Variants in PTPRG observed in about 807,000 individuals in gnomAD.
The protein encoded by PTPRG is receptor-type tyrosine-protein phosphatase gamma.
Under a neutral mutation model 165.3 loss-of-function variants are expected in PTPRG, and 102 were observed. The observed-to-expected ratio is 0.62, with a 90% CI of 0.53 to 0.73. The LOEUF is 0.73. Among genes scored for constraint, PTPRG ranks in the 30% least tolerant of loss-of-function variants. The pLI is 0.00. For synonymous variants in PTPRG, 675 were observed against 669.5 expected (o/e 1.01, Z -0.13); for missense variants, 1,866 against 1,861.4 (o/e 1.00, Z -0.05).
intron 3 of PTPRG, among the ~76,000 whole-genome samples, chr3:61,994,996 C>A (rs1281281346): frequency 6.6e-6 from 1 of 151,944 alleles, no homozygotes; most frequent in African/African-American, 2.4e-5. Flanking sequence ...GATGTGTGAG[C>A]CTTACTGAGA....
intron 2 of PTPRG, among the ~76,000 whole-genome samples, chr3:61,880,734 T>C (rs893236328): frequency 1.3e-5 from 2 of 152,110 alleles, no homozygotes; most frequent in Non-Finnish European, 2.9e-5. Context: ...ATGAAATGTT[T>C]AGCCAGAAAT....
At chr3:62,287,489 G>C (rs1432526971) in intron 28 of PTPRG, among the ~76,000 whole-genome samples, 1 of 152,090 alleles carries the variant, frequency 6.6e-6, no homozygotes, top group Middle Eastern at 3.4e-3. Context: ...CTAAGAATGA[G>C]AAAATACATT....
chr3:62,073,761 G>T (rs1701286505), intron 4 of PTPRG, among the ~76,000 whole-genome samples: 1 of 152,210 alleles, frequency 6.6e-6, no homozygotes, highest in African/African-American at 2.4e-5. Flanking sequence ...GATTACAGGT[G>T]TAAGCCACCA....
chr3:62,124,156 TTTG>T (rs1172894533), intron 5 of PTPRG: 16 of 671,020 alleles, frequency 2.4e-5, no homozygotes, highest in South Asian at 2.4e-4. Flanking sequence ...GTTCTGTGAA[TTTG>T]TTGTTGTCGT....
intron 1 of PTPRG, among the ~76,000 whole-genome samples, chr3:61,593,530 G>A (rs1232639080): frequency 2.0e-5 from 3 of 152,080 alleles, no homozygotes; most frequent in African/African-American, 7.2e-5. Flanking sequence ...TGTGTATACA[G>A]TTCTCCTTTT....
At chr3:61,752,254 C>T (rs1301366716) in intron 2 of PTPRG, among the ~76,000 whole-genome samples, 1 of 152,078 alleles carries the variant, frequency 6.6e-6, no homozygotes, top group Non-Finnish European at 1.5e-5. Context: ...TCCTCAAGTT[C>T]AGTGGTTGGC....
chr3:61,831,689 C>T lies in PTPRG; in HGVS notation c.190+82707C>T, dbSNP rs142545300. On this transcript the variant is annotated intron_variant, in intron 2 of 29. Coordinates refer to ENST00000474889, the MANE Select transcript of PTPRG (RefSeq NM_002841.4). ...AGGAATGGATGAGTTAGGAAAATGC[C>T]AATGACCATGGAAATAGAGAAAAAG... 3.8e-3 allele frequency among the ~76,000 whole-genome samples: 583 copies of T among 152,236 alleles called. 3 individuals are homozygous for T. The highest frequency in any genetic ancestry group is 5.9e-3 in the Non-Finnish European group (404 of 68,022).
chr3:61,717,615 G>A (rs562356819), intron 1 of PTPRG, among the ~76,000 whole-genome samples: 6 of 151,958 alleles, frequency 3.9e-5, no homozygotes, highest in Admixed American at 6.5e-5. Flanking sequence ...GTGAAGCCCC[G>A]TCTCTACTAA....
rs150942469 is a variant in PTPRG, at chr3:62,003,227, A to T, written c.371-122A>T. The stretch of plus-strand genomic sequence containing the variant: ...GCGGGTGTGTTCAACATATTTTTTC[A>T]TAGGTACATGAGGACATAATTCATA... On this transcript the variant is annotated intron_variant, in intron 3 of 29. Transcript: ENST00000474889. The T allele has an allele frequency of 2.6e-6, 3 of 1,145,738 alleles. No homozygotes were observed. In the South Asian group the frequency reaches 4.8e-5, roughly 18 times the overall value. The allele number at this position is 1,145,738 out of a possible 1,614,324, so 71.0% of individuals were successfully genotyped here.
chr3:61,812,517 T>C (rs987876390), intron 2 of PTPRG, among the ~76,000 whole-genome samples: 3 of 152,216 alleles, frequency 2.0e-5, no homozygotes, highest in African/African-American at 7.2e-5. Flanking sequence ...ATACTGCCTC[T>C]ATTTGTTCCT....
At chr3:62,131,331 C>G (rs1338685210) in intron 5 of PTPRG, among the ~76,000 whole-genome samples, 2 of 152,162 alleles carry the variant, frequency 1.3e-5, no homozygotes, top group African/African-American at 4.8e-5. Context: ...AACCACTGCT[C>G]TCTTCTGGAG....
chr3:61,686,593 A>G (rs1703640391), intron 1 of PTPRG, among the ~76,000 whole-genome samples: 1 of 152,254 alleles, frequency 6.6e-6, no homozygotes, highest in South Asian at 2.1e-4. Context: ...ACTCATGTCA[A>G]GGTTATTCCT....
chr3:62,028,607 T>G (rs1391537067), intron 4 of PTPRG, among the ~76,000 whole-genome samples: 2 of 152,212 alleles, frequency 1.3e-5, no homozygotes, highest in Admixed American at 6.5e-5. Flanking sequence ...CGGGTCACAA[T>G]TTGGAAGAAC....
intron 2 of PTPRG, among the ~76,000 whole-genome samples, chr3:61,932,916 C>G (rs996923012): frequency 6.6e-6 from 1 of 152,152 alleles, no homozygotes; most frequent in African/African-American, 2.4e-5. Flanking sequence ...TAATCTGGAC[C>G]AAGACTGGGG....
chr3:62,282,948 C>A (rs1702509831), intron 28 of PTPRG, 79 bp downstream of exon 28: 2 of 1,392,240 alleles, frequency 1.4e-6, no homozygotes, highest in South Asian at 1.3e-5. Flanking sequence ...GAAAAGGAAG[C>A]CAGAATTTTA....
At chr3:61,727,675 TTCTTTAAACTGGATATAA>T (rs550483460) in intron 1 of PTPRG, among the ~76,000 whole-genome samples, 19 of 152,338 alleles carry the variant, frequency 1.2e-4, no homozygotes, top group South Asian at 2.1e-4. Context: ...CTGTTTTTCT[TTCTTTAAACTGGATATAA>T]ATCTACAGGT....
intron 13 of PTPRG, among the ~76,000 whole-genome samples, chr3:62,226,368 G>A (rs1483489568): frequency 6.6e-6 from 1 of 152,172 alleles, no homozygotes; most frequent in African/African-American, 2.4e-5. Context: ...ATCATCCTTT[G>A]TTTTGGATTT....
chr3:62,120,173 G>A (rs892001786), intron 5 of PTPRG, among the ~76,000 whole-genome samples: 2 of 152,166 alleles, frequency 1.3e-5, no homozygotes, highest in Admixed American at 1.3e-4. Context: ...CTATCAGGCA[G>A]AGAAAGAATT....
At chr3:62,027,067 T>G (rs1575907186) in intron 4 of PTPRG, among the ~76,000 whole-genome samples, 1 of 152,084 alleles carries the variant, frequency 6.6e-6, no homozygotes, top group South Asian at 2.1e-4. Context: ...AGTATAGATA[T>G]TCTCTGTTTA....
Sources: allele counts gnomAD v4.1 joint callset (sites outside exome capture counted in the v4.1 genomes callset), GRCh38; gene constraint gnomAD v4.1.1; transcripts MANE v1.5; gene names NCBI Gene and HGNC (gene_info 2026-07-23, HGNC 2026-07-21).